DPEP1: variants seen among roughly 807,000 people sequenced by gnomAD.
The protein encoded by DPEP1 is beta-lactamase.
DPEP1 carries 50 observed loss-of-function variants against 42.3 expected under a neutral mutation model. The ratio of observed to expected loss-of-function variants is 1.18; its 90% CI spans 0.94 to 1.50. The LOEUF (loss-of-function observed/expected upper bound fraction) is 1.50, where lower values mean the gene tolerates loss of function less well. Ranked by LOEUF, DPEP1 falls within the 40% of genes most tolerant of loss-of-function variation. The pLI, the probability that DPEP1 is intolerant of heterozygous loss-of-function variation, is 0.00. For missense variants in DPEP1, 663 were observed against 553.0 expected, an observed-to-expected ratio of 1.20 and a Z score of -1.99; for synonymous variants, 297 against 234.0, an observed-to-expected ratio of 1.27 and a Z score of -2.46.
intron 1 of DPEP1, among the ~76,000 whole-genome samples, chr16:89,615,369 T>C (rs541782484): frequency 1.2e-3 from 177 of 152,128 alleles, no homozygotes; most frequent in African/African-American, 4.1e-3. Flanking sequence ...AGGGCAGTGG[T>C]GCTGGTCTAC....
downstream of DPEP1, among the ~76,000 whole-genome samples, chr16:89,640,375 G>A (rs754141776): frequency 3.3e-5 from 5 of 152,148 alleles, no homozygotes; most frequent in Non-Finnish European, 7.4e-5. Context: ...CCACAGCATC[G>A]GAGGTGCAGG....
chr16:89,638,412 A>G lies in DPEP1; in HGVS notation c.*190A>G, dbSNP rs1212303740. 2.2e-6 allele frequency: 3 copies of G among 1,346,608 alleles called. No individual in the cohort carries two copies. The highest frequency in any genetic ancestry group is 1.5e-5 in the African/African-American group (1 of 67,154). The allele number at this position is 1,346,608 out of a possible 1,614,324, so 83.4% of individuals were successfully genotyped here. On this transcript the variant is annotated 3_prime_UTR_variant, in exon 11 of 11. Transcript: ENST00000690203. ...AGGACACACACACAGTAGGCCCGCA[A>G]TAAAAGCAACACCCCTTCACATCCT...
At chr16:89,639,264 C>A (rs1234457543), downstream of DPEP1, among the ~76,000 whole-genome samples, 1 of 44,580 alleles carries the variant, frequency 2.2e-5, no homozygotes, top group East Asian at 6.9e-4. Flanking sequence ...GCACACACAC[C>A]CCCACCCCTG....
In DPEP1 at chr16:89,636,577, G is replaced by A. The variant is rs776317104; in HGVS notation, c.415G>A (p.Gly139Ser). The change falls in exon 5 of 11, where the codon GGC (glycine) becomes AGC (serine). Residue 139 changes from glycine (G) to serine (S), a missense_variant. Transcript: ENST00000690203. Reference sequence around the variant, plus strand: ...GGAAGGGAAGGTGGCCAGCCTGATCGGCGTGGAGGGCGGCCACTCCATTGA... The same window carrying A: ...GGAAGGGAAGGTGGCCAGCCTGATCAGCGTGGAGGGCGGCCACTCCATTGA... ...FREGKVASLI[G>S]VEGGHSIDSS... 37 of 1,612,362 alleles carry A rather than the reference G, an allele frequency of 2.3e-5. No individual in the cohort carries two copies. The highest frequency in any genetic ancestry group is 1.3e-4 in the East Asian group (6 of 44,884).
intron 5 of DPEP1, 45 bp from the exon 6 acceptor site, chr16:89,636,821 G>T: frequency 6.2e-7 from 1 of 1,609,660 alleles, no homozygotes; most frequent in South Asian, 1.1e-5. Context: ...ATGGGAGGCC[G>T]AGACCACCGC....
intron 1 of DPEP1, among the ~76,000 whole-genome samples, chr16:89,625,718 C>T (rs958893439): frequency 3.9e-5 from 6 of 152,160 alleles, no homozygotes; most frequent in South Asian, 2.1e-4. Context: ...TAAAACCCCA[C>T]GGAAAAGACA....
At chr16:89,616,222 C>G (rs1210782788) in intron 1 of DPEP1, among the ~76,000 whole-genome samples, 2 of 152,058 alleles carry the variant, frequency 1.3e-5, no homozygotes. Flanking sequence ...GCTCAGAGCC[C>G]AGAAACAGAC....
intron 1 of DPEP1, among the ~76,000 whole-genome samples, chr16:89,617,704 G>GTGCGGCGGCT (rs1567979093): frequency 2.0e-5 from 3 of 151,054 alleles, no homozygotes; most frequent in Admixed American, 6.6e-5. Context: ...GGGAGGTTGG[G>GTGCGGCGGCT]CACGGTGGCT....
intron 1 of DPEP1, among the ~76,000 whole-genome samples, chr16:89,617,710 T>C (rs12930490): frequency 0.64 from 9,306 of 14,510 alleles, 2,648 homozygotes; most frequent in Non-Finnish European, 0.71. Flanking sequence ...TTGGGCACGG[T>C]GGCTCACACC....
At chr16:89,633,294 C>T (rs376940670) in intron 2 of DPEP1, among the ~76,000 whole-genome samples, 1 of 152,364 alleles carries the variant, frequency 6.6e-6, no homozygotes, top group South Asian at 2.1e-4. Flanking sequence ...TCGCTGTGGC[C>T]AGGGACAACC....
chr16:89,635,900 A>G lies in DPEP1; in HGVS notation c.105-8A>G. On this transcript the variant is annotated splice_region_variant and splice_polypyrimidine_tract_variant and intron_variant, in intron 2 of 10. Transcript: ENST00000690203. ...CTGACTGCCTGGCCTCTCCCCGGCA[A>G]ACTCCAGGCACAATGACCTCCCCTG... 6.3e-7 allele frequency: 1 copy of G among 1,589,432 alleles called. No homozygotes were observed. The highest frequency in any genetic ancestry group is 8.6e-7 in the Non-Finnish European group (1 of 1,167,338).
intron 1 of DPEP1, among the ~76,000 whole-genome samples, chr16:89,626,685 C>G (rs891339294): frequency 4.0e-5 from 6 of 150,490 alleles, no homozygotes; most frequent in Non-Finnish European, 7.4e-5. Context: ...GTTTGGCAGT[C>G]CCCCCCTCAA....
chr16:89,614,465 A>G (rs891354590), intron 1 of DPEP1, among the ~76,000 whole-genome samples: 1 of 152,158 alleles, frequency 6.6e-6, no homozygotes, highest in Non-Finnish European at 1.5e-5. Flanking sequence ...CCGGCCCCAC[A>G]ATTTCCTTCC....
At chr16:89,632,378 T>TA (rs1284529930) in intron 2 of DPEP1, among the ~76,000 whole-genome samples, 6 of 152,114 alleles carry the variant, frequency 3.9e-5, no homozygotes, top group Non-Finnish European at 7.4e-5. Flanking sequence ...TAGAAGCTGT[T>TA]ACGGGACCCA....
chr16:89,634,925 C>T (rs2059648902), intron 2 of DPEP1, among the ~76,000 whole-genome samples: 1 of 102,008 alleles, frequency 9.8e-6, no homozygotes, highest in Non-Finnish European at 2.3e-5. Flanking sequence ...CCTTCCTTCC[C>T]TTTCCCTTCC....
At chr16:89,633,017 T>A (rs777825127) in intron 2 of DPEP1, among the ~76,000 whole-genome samples, 3 of 152,062 alleles carry the variant, frequency 2.0e-5, no homozygotes, top group Non-Finnish European at 2.9e-5. Context: ...GGGCGGCTCC[T>A]GGGGTCCTAG....
At chr16:89,631,747 C>T (rs1597761855) in intron 2 of DPEP1, among the ~76,000 whole-genome samples, 1 of 152,276 alleles carries the variant, frequency 6.6e-6, no homozygotes, top group South Asian at 2.1e-4. Flanking sequence ...GTCCCAGATA[C>T]TCAGGAGGCT....
chr16:89,621,919 G>C (rs538129033), intron 1 of DPEP1, among the ~76,000 whole-genome samples: 1 of 152,308 alleles, frequency 6.6e-6, no homozygotes, highest in South Asian at 2.1e-4. Context: ...GTGCAGAAGT[G>C]GTATCATCCG....
intron 1 of DPEP1, among the ~76,000 whole-genome samples, chr16:89,626,870 C>T (rs371384027): frequency 6.6e-6 from 1 of 151,980 alleles, no homozygotes; most frequent in African/African-American, 2.4e-5. Flanking sequence ...GTAATCCCAA[C>T]AGCTTGGGAG....
Sources: allele counts gnomAD v4.1 joint callset (sites outside exome capture counted in the v4.1 genomes callset), GRCh38; gene constraint gnomAD v4.1.1; transcripts MANE v1.5; gene names NCBI Gene and HGNC (gene_info 2026-07-23, HGNC 2026-07-21).